Variants in C12orf57 observed in about 807,000 individuals in gnomAD.
C12orf57 encodes the protein protein C10.
A neutral mutation model predicts 11.3 loss-of-function variants in C12orf57; 14 were observed. That is an observed-to-expected ratio of 1.24 (90% CI 0.82 to 1.94). The LOEUF (loss-of-function observed/expected upper bound fraction) is 1.94. Ranked by LOEUF, C12orf57 falls within the 30% of genes most tolerant of loss-of-function variation. The pLI is 0.00. For missense variants in C12orf57, 229 were observed against 172.4 expected (o/e 1.33, Z -1.84); for synonymous variants, 100 against 74.6 (o/e 1.34, Z -1.76).
upstream of C12orf57, chr12:6,944,015 G>C (rs1007720531): frequency 2.5e-6 from 4 of 1,603,660 alleles, no homozygotes; most frequent in African/African-American, 2.7e-5. Context: ...TGCGCCGGAT[G>C]CTGTTTCCTT....
At chr12:6,945,410 C>G (rs919985715) in intron 2 of C12orf57, among the ~76,000 whole-genome samples, 7 of 152,232 alleles carry the variant, frequency 4.6e-5, no homozygotes, top group Middle Eastern at 6.8e-3. Flanking sequence ...CTGGTGTTCC[C>G]CAAAGGTGTT....
chr12:6,943,824 C>G (rs1042541494), upstream of C12orf57: 3 of 857,344 alleles, frequency 3.5e-6, no homozygotes, highest in Admixed American at 3.3e-5. Flanking sequence ...AGCAGTGTTA[C>G]AGCTCTTTTA....
In C12orf57 at chr12:6,944,638, G is replaced by T. The variant is rs1038900902; in HGVS notation, c.215G>T (p.Ser72Ile). Reference protein sequence around the residue: ...QQEVIKAYGFSCDGEGVLKFA... With the variant: ...QQEVIKAYGFICDGEGVLKFA... ...GAGGTTATCAAAGCCTATGGCTTCA[G>T]CTGCGACGGGGAAGGTGGGTCAGAC... The change falls in exon 2 of 3, where the codon AGC becomes ATC. Residue 72 changes from serine to isoleucine, a missense_variant. Coordinates refer to ENST00000229281, the MANE Select transcript of C12orf57 (RefSeq NM_138425.4). 30 of 1,612,324 alleles carry T rather than the reference G, an allele frequency of 1.9e-5. No individual in the cohort carries two copies. Among genetic ancestry groups the T allele is most frequent in the Non-Finnish European group, 2.5e-5 (29 of 1,178,612 alleles).
In C12orf57 at chr12:6,944,591, C is replaced by G. The variant is rs143343192; in HGVS notation, c.168C>G (p.Pro56=). ...DMGKMLQFVL[P]VATQIQQEVI... ...GTAAGATGCTGCAATTCGTGCTGCC[C>G]GTGGCCACGCAGATCCAGCAGGAGG... Residue 56 remains proline, a synonymous_variant, in exon 2 of 3, where the codon CCC becomes CCG. Coordinates refer to ENST00000229281, the MANE Select transcript of C12orf57 (RefSeq NM_138425.4). The G allele has an allele frequency of 4.7e-5, 76 of 1,614,036 alleles. No homozygotes were observed. Among genetic ancestry groups the G allele is most frequent in the Non-Finnish European group, 5.5e-5 (65 of 1,180,040 alleles).
chr12:6,945,052 T>C lies in C12orf57; in HGVS notation c.229+400T>C, dbSNP rs1008339302. The C allele has an allele frequency of 4.8e-5, 18 of 375,006 alleles. No homozygotes were observed. The East Asian group carries it at 8.1e-4, about 17-fold the overall frequency. 23.2% of individuals were successfully genotyped at this position (375,006 alleles called of 1,614,324 possible). The stretch of plus-strand genomic sequence containing the variant: ...ATAATAGTCTGAATAATTTTGTGCA[T>C]GAGACAAAGTTTTGACTGCGTTTTG... On this transcript the variant is annotated intron_variant, in intron 2 of 2. Coordinates refer to ENST00000229281, the MANE Select transcript of C12orf57 (RefSeq NM_138425.4).
At position 6,945,977 on chromosome 12, in the gene C12orf57, A is replaced by G. The variant is rs1945798829; in HGVS notation, c.*55A>G. ...GGGAGGAAAGGCCTTGATGTTCCAG[A>G]CAATAATAAATGCGCCTGTGACTTA... On this transcript the variant is annotated 3_prime_UTR_variant, in exon 3 of 3. Coordinates refer to ENST00000229281, the MANE Select transcript of C12orf57 (RefSeq NM_138425.4). 2 of 1,564,826 alleles carry G rather than the reference A, an allele frequency of 1.3e-6. No homozygotes were observed. The highest frequency in any genetic ancestry group is 2.3e-5 in the East Asian group (1 of 42,908).
At chr12:6,943,851 C>A (rs116861153), upstream of C12orf57, 2 of 900,886 alleles carry the variant, frequency 2.2e-6, no homozygotes, top group Non-Finnish European at 1.6e-6. Flanking sequence ...GTCTAGTAGG[C>A]TTTCTGGCTT....
In C12orf57 at chr12:6,945,754, T is replaced by C. The variant is rs1162217718; in HGVS notation, c.230-17T>C. ...TGGTCCTTAGGAGAAGGGTTGACCT[T>C]CCACTCCCTCTTGCAGGTGTCCTTA... On this transcript the variant is annotated splice_polypyrimidine_tract_variant and intron_variant, in intron 2 of 2. Coordinates refer to ENST00000229281, the MANE Select transcript of C12orf57 (RefSeq NM_138425.4). 2 of 1,612,598 alleles carry C rather than the reference T, an allele frequency of 1.2e-6. No homozygotes were observed. Among genetic ancestry groups the C allele is most frequent in the East Asian group, 2.2e-5 (1 of 44,880 alleles).
intron 1 of C12orf57, 57 bp downstream of exon 1, chr12:6,944,230 G>A (rs1555145879): frequency 1.4e-5 from 22 of 1,613,378 alleles, no homozygotes; most frequent in Middle Eastern, 1.7e-4. Context: ...CAAGGCATGG[G>A]CTGCTGGTCT....
rs1376295776 is a variant in C12orf57 at position 6,945,961 on chromosome 12, G to A, written c.*39G>A. The A allele has an allele frequency of 1.3e-6, 2 of 1,591,060 alleles. No individual in the cohort carries two copies. The highest frequency in any genetic ancestry group is 1.7e-6 in the Non-Finnish European group (2 of 1,172,564). On this transcript the variant is annotated 3_prime_UTR_variant, in exon 3 of 3. Transcript: ENST00000229281. Reference sequence around the variant, plus strand: ...CTTGTGCCACTGCCAGGGGAGGAAAGGCCTTGATGTTCCAGACAATAATAA... The same window carrying A: ...CTTGTGCCACTGCCAGGGGAGGAAAAGCCTTGATGTTCCAGACAATAATAA...
chr12:6,944,050 G>A lies in C12orf57; in HGVS notation c.-72G>A. 16 of 1,611,676 alleles carry A rather than the reference G, an allele frequency of 9.9e-6. No homozygotes were observed. Among genetic ancestry groups the A allele is most frequent in the East Asian group, 2.2e-5 (1 of 44,856 alleles). ...TTCCGCTCCCAGGGGCGTTGGGAACGGTTGTAGGACGTGGCTCTTTATTCG... is the reference window on the plus strand; with the variant it reads ...TTCCGCTCCCAGGGGCGTTGGGAACAGTTGTAGGACGTGGCTCTTTATTCG... On this transcript the variant is annotated 5_prime_UTR_variant, in exon 1 of 3. Transcript: ENST00000229281.
intron 1 of C12orf57, 27 bp downstream of exon 1, chr12:6,944,200 G>C: frequency 6.4e-7 from 1 of 1,565,876 alleles, no homozygotes; most frequent in Non-Finnish European, 8.8e-7. Flanking sequence ...TCAAGGCATA[G>C]GCTGCTGGCC....
At chr12:6,943,942 T>C (rs782670822), upstream of C12orf57, 15 of 1,426,236 alleles carry the variant, frequency 1.1e-5, no homozygotes, top group South Asian at 1.3e-4. Flanking sequence ...GTAGTTTTGG[T>C]GGTCTTGATG....
At chr12:6,943,770 T>C (rs1464555170), upstream of C12orf57, 4 of 1,055,632 alleles carry the variant, frequency 3.8e-6, no homozygotes, top group Non-Finnish European at 3.7e-6. Flanking sequence ...CCTCATCAAT[T>C]GTGGAGTTCC....
chr12:6,945,692 C>T (rs920055613), intron 2 of C12orf57, 79 bp from the exon 3 acceptor site: 6 of 1,488,102 alleles, frequency 4.0e-6, no homozygotes, highest in Non-Finnish European at 5.5e-6. Flanking sequence ...GCAGTTCATG[C>T]TTAGACTACC....
chr12:6,943,907 T>A, upstream of C12orf57: 1 of 1,167,746 alleles, frequency 8.6e-7, no homozygotes, highest in Non-Finnish European at 1.2e-6. Flanking sequence ...AATGATAGAT[T>A]GTTTTCACTG....
chr12:6,944,149 G>T lies in C12orf57; in HGVS notation c.28G>T (p.Ala10Ser), dbSNP rs782077846. The change falls in exon 1 of 3, where the codon GCC becomes TCC. Residue 10 changes from alanine to serine, a missense_variant. Transcript: ENST00000229281. ...GGCGTCCGCCTCGACCCAACCGGCGGCCTTGAGCGCTGAGCAAGCAAAGGG... is the reference window on the plus strand; with the variant it reads ...GGCGTCCGCCTCGACCCAACCGGCGTCCTTGAGCGCTGAGCAAGCAAAGGG... MASASTQPA[A>S]LSAEQAKVVL... 11 of 1,614,134 alleles carry T rather than the reference G, an allele frequency of 6.8e-6. No homozygotes were observed. The highest frequency in any genetic ancestry group is 2.2e-5 in the East Asian group (1 of 44,900).
chr12:6,943,765 T>A (rs148190502), upstream of C12orf57: 103 of 1,083,462 alleles, frequency 9.5e-5, no homozygotes, highest in Non-Finnish European at 1.2e-4. Context: ...CTCACCCTCA[T>A]CAATTGTGGA....
At position 6,944,537 on chromosome 12, in the gene C12orf57, G is replaced by A; in HGVS notation, c.114G>A (p.Glu38=). 1 of 1,614,088 alleles carries A rather than the reference G, an allele frequency of 6.2e-7. No individual in the cohort carries two copies. Among genetic ancestry groups the A allele is most frequent in the Non-Finnish European group, 8.5e-7 (1 of 1,180,050 alleles). The change falls in exon 2 of 3, where the codon GAG becomes GAA. Residue 38 remains glutamate, a synonymous_variant. Transcript: ENST00000229281. ...SAPENAVRMD[E]ARDNACNDMG... ...CGGAGAATGCAGTGCGCATGGACGAGGCTCGGGATAACGCCTGCAACGACA... is the reference window on the plus strand; with the variant it reads ...CGGAGAATGCAGTGCGCATGGACGAAGCTCGGGATAACGCCTGCAACGACA...
Sources: gnomAD v4.1 joint callset for allele counts (sites outside exome capture counted in the v4.1 genomes callset) on GRCh38, gnomAD v4.1.1 for gene constraint, MANE v1.5 for transcripts, NCBI Gene and HGNC (gene_info 2026-07-23, HGNC 2026-07-21) for gene names.